The following HDAC9 variants were observed in gnomAD, a reference collection of about 807,000 sequenced individuals.
HDAC9 encodes the protein MEF-2 interacting transcription repressor (MITR) protein.
In HDAC9, 41 loss-of-function variants were observed where a neutral mutation model predicts 139.4. That is an observed-to-expected ratio of 0.29 (90% confidence interval 0.23 to 0.38). The LOEUF (loss-of-function observed/expected upper bound fraction) is 0.38, where lower values mean the gene tolerates loss of function less well. Ranked by LOEUF, HDAC9 falls within the 10% of genes least tolerant of loss-of-function variation. The pLI is 1.00. For missense variants in HDAC9, 1,147 were observed against 1,297.0 expected (o/e 0.88, Z 1.78); for synonymous variants, 517 against 476.2 (o/e 1.09, Z -1.12).
At chr7:18,488,604 G>C (rs1445610782) in intron 1 of HDAC9, among the ~76,000 whole-genome samples, 1 of 151,942 alleles carries the variant, frequency 6.6e-6, no homozygotes, top group African/African-American at 2.4e-5. Flanking sequence ...TAAAGATAGA[G>C]CATGAAGACA....
At chr7:18,733,953 A>T (rs1338730455) in intron 13 of HDAC9, among the ~76,000 whole-genome samples, 1 of 152,214 alleles carries the variant, frequency 6.6e-6, no homozygotes, top group Non-Finnish European at 1.5e-5. Flanking sequence ...ATTTAAAAAA[A>T]TCATCTTTGT....
chr7:18,263,447 C>T (rs1262788518), intron 2 of HDAC9, among the ~76,000 whole-genome samples: 2 of 152,098 alleles, frequency 1.3e-5, no homozygotes, highest in African/African-American at 2.4e-5. Flanking sequence ...AGGAACCAAA[C>T]ATTTACTGAC....
intron 1 of HDAC9, among the ~76,000 whole-genome samples, chr7:18,160,582 A>G (rs7788797): frequency 0.2 from 30,165 of 152,080 alleles, 3,203 homozygotes; most frequent in South Asian, 0.34. Flanking sequence ...GCACTTTGTA[A>G]CTATAAAGAA....
chr7:18,597,155 A>G (rs1470374240), intron 6 of HDAC9, among the ~76,000 whole-genome samples: 1 of 152,196 alleles, frequency 6.6e-6, no homozygotes, highest in African/African-American at 2.4e-5. Context: ...ACATGGAATT[A>G]TATTAAAAGT....
At chr7:18,499,460 G>C (rs1018159679) in intron 2 of HDAC9, among the ~76,000 whole-genome samples, 3 of 152,030 alleles carry the variant, frequency 2.0e-5, no homozygotes, top group African/African-American at 7.2e-5. Flanking sequence ...TTAAATCTTA[G>C]AATTCAGTGT....
intron 1 of HDAC9, among the ~76,000 whole-genome samples, chr7:18,350,919 G>A (rs887806058): frequency 3.4e-5 from 5 of 148,106 alleles, no homozygotes; most frequent in Admixed American, 1.3e-4. Flanking sequence ...GAACCCAGCC[G>A]CTGGGTAGCT....
intron 2 of HDAC9, among the ~76,000 whole-genome samples, chr7:18,180,627 G>A (rs1174268555): frequency 6.6e-6 from 1 of 152,130 alleles, no homozygotes; most frequent in Non-Finnish European, 1.5e-5. Context: ...AGAAATACCT[G>A]TTGGAAACCC....
chr7:18,635,813 C>G (rs998061698), intron 8 of HDAC9, among the ~76,000 whole-genome samples: 4 of 152,006 alleles, frequency 2.6e-5, no homozygotes, highest in Non-Finnish European at 1.5e-5. Context: ...ATGTGGTTAT[C>G]CAGCCTCTGT....
At chr7:18,143,249 G>T (rs1786044955) in intron 1 of HDAC9, among the ~76,000 whole-genome samples, 1 of 152,126 alleles carries the variant, frequency 6.6e-6, no homozygotes, top group African/African-American at 2.4e-5. Context: ...TCAGAACCTG[G>T]AAGAACATTC....
At chr7:18,252,343 C>G (rs916365000) in intron 2 of HDAC9, among the ~76,000 whole-genome samples, 11 of 152,166 alleles carry the variant, frequency 7.2e-5, no homozygotes, top group African/African-American at 2.7e-4. Context: ...CTCCTCTCTT[C>G]ATGGGTAACA....
chr7:18,203,150 A>G (rs1791262625), intron 2 of HDAC9, among the ~76,000 whole-genome samples: 2 of 152,156 alleles, frequency 1.3e-5, no homozygotes, highest in South Asian at 4.1e-4. Context: ...CTAAAAAGAT[A>G]TTGTCTGAGG....
chr7:18,225,396 C>G (rs1284588573), intron 2 of HDAC9, among the ~76,000 whole-genome samples: 1 of 152,136 alleles, frequency 6.6e-6, no homozygotes, highest in Admixed American at 6.5e-5. Context: ...TGTTCCTGTC[C>G]TGTACAACTG....
At chr7:18,811,947 C>G (rs934255920) in intron 17 of HDAC9, among the ~76,000 whole-genome samples, 2 of 151,686 alleles carry the variant, frequency 1.3e-5, no homozygotes, top group African/African-American at 2.4e-5. Flanking sequence ...TAGAACCCCC[C>G]TTAAATAGCT....
intron 13 of HDAC9, among the ~76,000 whole-genome samples, chr7:18,733,057 G>GTA (rs764919288): frequency 8.3e-5 from 12 of 143,832 alleles, no homozygotes; most frequent in Non-Finnish European, 6.2e-5. Flanking sequence ...ATATACATGT[G>GTA]TATATACGTA....
intron 17 of HDAC9, among the ~76,000 whole-genome samples, chr7:18,808,522 CA>C (rs1163882794): frequency 1.3e-5 from 2 of 151,582 alleles, no homozygotes; most frequent in African/African-American, 4.8e-5. Context: ...AACATACTAA[CA>C]ATGAACTGTC....
chr7:18,728,874 A>G (rs1442648207), intron 13 of HDAC9, among the ~76,000 whole-genome samples: 1 of 152,222 alleles, frequency 6.6e-6, no homozygotes, highest in Admixed American at 6.5e-5. Flanking sequence ...GTGACTTTTT[A>G]TAATGTTTTA....
intron 2 of HDAC9, among the ~76,000 whole-genome samples, chr7:18,235,187 T>A (rs1380655234): frequency 1.3e-5 from 2 of 152,224 alleles, no homozygotes; most frequent in African/African-American, 4.8e-5. Flanking sequence ...TATTTTAATA[T>A]GTTTTGCTTA....
chr7:18,928,526 T>C (rs1435388111), intron 22 of HDAC9, among the ~76,000 whole-genome samples: 2 of 152,192 alleles, frequency 1.3e-5, no homozygotes, highest in African/African-American at 4.8e-5. Flanking sequence ...GTCACTTTGA[T>C]TATACACTAG....
At chr7:18,634,581 A>G (rs765568936) in intron 7 of HDAC9, 46 bp from the exon 8 acceptor site, 10 of 1,173,236 alleles carry the variant, frequency 8.5e-6, no homozygotes, top group South Asian at 2.7e-5. Flanking sequence ...AAGTTCATCT[A>G]TGTATGTTCC....
Sources: allele counts gnomAD v4.1 joint callset (sites outside exome capture counted in the v4.1 genomes callset), GRCh38; gene constraint gnomAD v4.1.1; transcripts MANE v1.5; gene names NCBI Gene and HGNC (gene_info 2026-07-23, HGNC 2026-07-21).